BAHD1: variants seen among roughly 807,000 people sequenced by gnomAD.
The protein encoded by BAHD1 is bromo adjacent homology domain-containing 1 protein.
In BAHD1, 20 loss-of-function variants were observed where a neutral mutation model predicts 63.1. The observed-to-expected ratio is 0.32, with a 90% CI of 0.22 to 0.46. BAHD1 has a LOEUF of 0.46. Ranked by LOEUF, BAHD1 falls within the 20% of genes least tolerant of loss-of-function variation. The probability of loss-of-function intolerance (pLI) is 1.00; values close to 1 mark genes in which losing one functional copy is unlikely to be tolerated. For synonymous variants in BAHD1, 408 were observed against 426.8 expected (o/e 0.96, Z 0.54); for missense variants, 939 against 1,071.8 (o/e 0.88, Z 1.73).
At chr15:40,465,576 A>G (rs1408595973) in intron 6 of BAHD1, 141 bp downstream of exon 6, 7 of 703,146 alleles carry the variant, frequency 1.0e-5, no homozygotes, top group Non-Finnish European at 1.7e-5. Flanking sequence ...CCCAGAACTT[A>G]CTTCCCTATT....
intron 3 of BAHD1, 83 bp downstream of exon 3, chr15:40,462,377 A>G: frequency 6.6e-7 from 1 of 1,507,614 alleles, no homozygotes; most frequent in Non-Finnish European, 8.9e-7. Flanking sequence ...TGCTAGAAGC[A>G]CCTGGTTCTA....
chr15:40,468,117 TC>T lies in BAHD1; in HGVS notation c.*1988del, dbSNP rs1894266814. ...TGTGTGTTGATCCTGGTTTCCCAGA[TC>T]TGTATTTCAGTGTTTACAAGGGAGG... On this transcript the variant is annotated 3_prime_UTR_variant, in exon 7 of 7. Coordinates refer to ENST00000416165, the MANE Select transcript of BAHD1 (RefSeq NM_014952.5). 3 of 152,668 alleles carry T rather than the reference TC, an allele frequency of 2.0e-5. No individual in the cohort carries two copies. The South Asian group carries it at 6.2e-4, about 32-fold the overall frequency. 9.5% of individuals were successfully genotyped at this position (152,668 alleles called of 1,614,324 possible). A position where few individuals can be genotyped will look rare whatever the true frequency, so the allele number is the denominator to read the frequency against.
intron 1 of BAHD1, among the ~76,000 whole-genome samples, chr15:40,445,462 G>T (rs562149079): frequency 6.6e-6 from 1 of 152,116 alleles, no homozygotes; most frequent in South Asian, 2.1e-4. Context: ...CATCCAGGAG[G>T]ACTTGTGTGT....
chr15:40,442,835 C>T (rs2141464356), intron 1 of BAHD1, among the ~76,000 whole-genome samples: 1 of 152,288 alleles, frequency 6.6e-6, no homozygotes, highest in Middle Eastern at 3.4e-3. Flanking sequence ...CTCTCTTCAC[C>T]TCGCTGTCTT....
chr15:40,461,789 C>A, intron 2 of BAHD1, 123 bp from the exon 3 acceptor site: 1 of 1,269,446 alleles, frequency 7.9e-7, no homozygotes, highest in Non-Finnish European at 1.1e-6. Context: ...GCCTCTGATC[C>A]CATCGGCCAC....
chr15:40,455,641 C>T (rs879411436), intron 1 of BAHD1, among the ~76,000 whole-genome samples: 1 of 152,238 alleles, frequency 6.6e-6, no homozygotes, highest in Non-Finnish European at 1.5e-5. Context: ...CTGTCTTTCC[C>T]AGCCGCCTTC....
At chr15:40,463,776 C>T (rs993657980) in intron 3 of BAHD1, 85 bp from the exon 4 acceptor site, 74 of 1,461,454 alleles carry the variant, frequency 5.1e-5, no homozygotes, top group Middle Eastern at 3.6e-4. Context: ...TTGAGGAAAT[C>T]GTGGAAAGGA....
At position 40,459,319 on chromosome 15, in the gene BAHD1, T is replaced by C; in HGVS notation, c.855T>C (p.Ser285=). Residue 285 remains serine (S), a synonymous_variant, in exon 2 of 7, where the codon TCT becomes TCC. Coordinates refer to ENST00000416165, the MANE Select transcript of BAHD1 (RefSeq NM_014952.5). The part of the protein sequence containing the change: ...WQGCPDEPWP[S]ATPCGPSVQP... The stretch of plus-strand genomic sequence containing the variant: ...GCTGCCCTGATGAACCATGGCCATC[T>C]GCAACTCCTTGTGGGCCATCCGTCC... 4 of 1,613,044 alleles carry C rather than the reference T, an allele frequency of 2.5e-6. No individual in the cohort carries two copies. Among genetic ancestry groups the C allele is most frequent in the Non-Finnish European group, 3.4e-6 (4 of 1,179,988 alleles).
In BAHD1 at chr15:40,459,103, A is replaced by G. The variant is rs1408288465; in HGVS notation, c.639A>G (p.Leu213=). 1.9e-6 allele frequency: 3 copies of G among 1,612,896 alleles called. No homozygotes were observed. The highest frequency in any genetic ancestry group is 3.3e-5 in the Admixed American group (2 of 59,968). Residue 213 remains leucine, a synonymous_variant, in exon 2 of 7, where the codon CTA becomes CTG. Transcript: ENST00000416165. The part of the protein sequence containing the change: ...RLASLNAAAF[L]KLSQERELPL... The stretch of plus-strand genomic sequence containing the variant: ...CTAGCCTGAACGCAGCTGCTTTCCT[A>G]AAACTGAGCCAGGAGCGGGAGCTAC...
intron 1 of BAHD1, among the ~76,000 whole-genome samples, chr15:40,445,220 G>A (rs1475128823): frequency 3.4e-5 from 5 of 145,496 alleles, no homozygotes; most frequent in East Asian, 2.0e-4. Context: ...ATTCATCCCC[G>A]GTGCAAATTA....
At chr15:40,444,766 A>G (rs1212942841) in intron 1 of BAHD1, among the ~76,000 whole-genome samples, 1 of 152,164 alleles carries the variant, frequency 6.6e-6, no homozygotes, top group Non-Finnish European at 1.5e-5. Context: ...ACCCTGGACC[A>G]TGGGGGAAAC....
Position 40,463,841 on chromosome 15 carries a change from G to T in BAHD1, c.1816-20G>T, listed in dbSNP as rs1432212171. 1 of 1,613,666 alleles carries T rather than the reference G, an allele frequency of 6.2e-7. No homozygotes were observed. Among genetic ancestry groups the T allele is most frequent in the South Asian group, 1.1e-5 (1 of 91,030 alleles). On this transcript the variant is annotated intron_variant, in intron 3 of 6. Coordinates refer to ENST00000416165, the MANE Select transcript of BAHD1 (RefSeq NM_014952.5). ...AGTGTGGCTCTGCAAGCCTATTTGTGTCATTGGTTTGTTGCCTAGGATGAG... is the reference window on the plus strand; with the variant it reads ...AGTGTGGCTCTGCAAGCCTATTTGTTTCATTGGTTTGTTGCCTAGGATGAG...
At chr15:40,457,965 ATC>A (rs1893898322) in intron 1 of BAHD1, among the ~76,000 whole-genome samples, 1 of 152,166 alleles carries the variant, frequency 6.6e-6, no homozygotes, top group South Asian at 2.1e-4. Context: ...GTGAGCCAAG[ATC>A]TCACCAATGC....
upstream of BAHD1, among the ~76,000 whole-genome samples, chr15:40,440,220 C>CAGAAAGAGG (rs569287728): frequency 5.1e-3 from 773 of 151,950 alleles, 1 homozygote; most frequent in Non-Finnish European, 7.4e-3. Flanking sequence ...AGGTGAAGGG[C>CAGAAAGAGG]AGAAAGAGGA....
chr15:40,448,035 A>G (rs1207543893), intron 1 of BAHD1, among the ~76,000 whole-genome samples: 1 of 152,168 alleles, frequency 6.6e-6, no homozygotes, highest in Non-Finnish European at 1.5e-5. Flanking sequence ...CGAGGTCAGG[A>G]GATCGAGACC....
In BAHD1 at chr15:40,466,272, GCC is replaced by G. The variant is rs956797155; in HGVS notation, c.*145_*146del. On this transcript the variant is annotated 3_prime_UTR_variant, in exon 7 of 7. Coordinates refer to ENST00000416165, the MANE Select transcript of BAHD1 (RefSeq NM_014952.5). ...GGTTTTCTTGGGGGGGAGGGCAGGG[GCC>G]CCTGTGGGTTCTGGGCTCCAGGGGA... The G allele has an allele frequency of 5.4e-6, 4 of 745,938 alleles. No homozygotes were observed. In the Admixed American group the frequency reaches 1.2e-4, roughly 23 times the overall value. 46.2% of individuals were successfully genotyped at this position (745,938 alleles called of 1,614,324 possible).
At chr15:40,464,619 T>C in intron 5 of BAHD1, 72 bp downstream of exon 5, 1 of 1,332,330 alleles carries the variant, frequency 7.5e-7, no homozygotes, top group Non-Finnish European at 1.1e-6. Flanking sequence ...TAAGACGTGG[T>C]AGGGGGAGGG....
At chr15:40,447,037 C>T (rs1342986084) in intron 1 of BAHD1, among the ~76,000 whole-genome samples, 3 of 152,310 alleles carry the variant, frequency 2.0e-5, no homozygotes, top group African/African-American at 7.2e-5. Context: ...CTCATGTGGC[C>T]AGGTGGTTTA....
At chr15:40,465,237 C>G in intron 5 of BAHD1, 98 bp from the exon 6 acceptor site, 2 of 1,046,076 alleles carry the variant, frequency 1.9e-6, no homozygotes, top group Admixed American at 1.9e-5. Flanking sequence ...GGAGTCATCT[C>G]AGGTCAGCAG....
Sources: allele counts gnomAD v4.1 joint callset (sites outside exome capture counted in the v4.1 genomes callset), GRCh38; gene constraint gnomAD v4.1.1; transcripts MANE v1.5; gene names NCBI Gene and HGNC (gene_info 2026-07-23, HGNC 2026-07-21).